Variants in ZNF821 observed in about 807,000 individuals in gnomAD.
ZNF821 encodes the protein zinc finger protein 821.
Under a neutral mutation model 44.3 loss-of-function variants are expected in ZNF821, and 16 were observed. The observed-to-expected ratio is 0.36, with a 90% confidence interval of 0.24 to 0.55. The LOEUF (loss-of-function observed/expected upper bound fraction) is 0.55. Among genes scored for constraint, ZNF821 ranks in the 20% least tolerant of loss-of-function variants. ZNF821 has a pLI of 0.86. For synonymous variants in ZNF821, 204 were observed against 197.6 expected (o/e 1.03, Z -0.27); for missense variants, 436 against 547.6 (o/e 0.80, Z 2.03).
chr16:71,867,099 T>C (rs768024351), intron 4 of ZNF821, among the ~76,000 whole-genome samples: 4 of 152,220 alleles, frequency 2.6e-5, no homozygotes, highest in Non-Finnish European at 5.9e-5. Flanking sequence ...TCTTAGGGAA[T>C]TGGTATGGGA....
chr16:71,870,383 G>A (rs2142397329), intron 3 of ZNF821, among the ~76,000 whole-genome samples: 1 of 150,732 alleles, frequency 6.6e-6, no homozygotes, highest in African/African-American at 2.4e-5. Context: ...AAAAAAAAAT[G>A]AATTTGATGG....
intron 1 of ZNF821, chr16:71,894,716 T>TTTTA: frequency 1.8e-6 from 1 of 557,206 alleles, no homozygotes. Flanking sequence ...TTTTTTTTTT[T>TTTTA]GTAGCGATGC....
intron 3 of ZNF821, among the ~76,000 whole-genome samples, chr16:71,871,866 C>T (rs2035235147): frequency 1.3e-5 from 2 of 149,510 alleles, no homozygotes; most frequent in African/African-American, 2.5e-5. Context: ...GTTTTTCGCT[C>T]TGTCACCCAG....
chr16:71,879,932 T>C lies in ZNF821; in HGVS notation c.15A>G (p.Lys5=), dbSNP rs1459230108. The C allele has an allele frequency of 1.2e-6, 2 of 1,613,780 alleles. No homozygotes were observed. Among genetic ancestry groups the C allele is most frequent in the Non-Finnish European group, 1.7e-6 (2 of 1,179,852 alleles). The stretch of plus-strand genomic sequence containing the variant: ...AGTGAACTTTATTTGGATTTGTCTG[T>C]TTCCGACGGGACATGTTTCCCTGAT... The part of the protein sequence containing the change: MSRR[K]QTNPNKVHWD... The change falls in exon 3 of 8, where the codon AAA becomes AAG. Residue 5 remains lysine, a synonymous_variant. Coordinates refer to ENST00000425432, the MANE Select transcript of ZNF821 (RefSeq NM_001201552.2).
At chr16:71,885,168 C>G (rs2036801316), upstream of ZNF821, 1 of 152,732 alleles carries the variant, frequency 6.5e-6, no homozygotes, top group Non-Finnish European at 1.5e-5. Flanking sequence ...GTTGGACGCA[C>G]TTCTAGTCAA....
intron 1 of ZNF821, among the ~76,000 whole-genome samples, chr16:71,892,336 G>C (rs945174516): frequency 6.6e-6 from 1 of 151,064 alleles, no homozygotes; most frequent in South Asian, 2.1e-4. Context: ...GCGCGATCTC[G>C]GCTCACTGCA....
chr16:71,867,589 G>A (rs1188611681), intron 4 of ZNF821, among the ~76,000 whole-genome samples: 1 of 152,054 alleles, frequency 6.6e-6, no homozygotes, highest in Admixed American at 6.6e-5. Context: ...AGGAGGCTGA[G>A]GCAGGAGAAT....
chr16:71,892,590 G>C (rs1412026885), intron 1 of ZNF821, among the ~76,000 whole-genome samples: 2 of 111,668 alleles, frequency 1.8e-5, no homozygotes, highest in Non-Finnish European at 3.7e-5. Flanking sequence ...TTTTTTTTTT[G>C]AGAGGGAGTC....
intron 3 of ZNF821, among the ~76,000 whole-genome samples, chr16:71,872,953 T>C (rs917254846): frequency 6.6e-6 from 1 of 152,236 alleles, no homozygotes; most frequent in African/African-American, 2.4e-5. Context: ...CTTAGTGGTT[T>C]GGTTAGTTCA....
chr16:71,883,630 GC>G (rs1415402560), intron 1 of ZNF821: 1 of 152,352 alleles, frequency 6.6e-6, no homozygotes, highest in Non-Finnish European at 1.5e-5. Flanking sequence ...CCCCGCCGGG[GC>G]CCGAGGAGGC....
At chr16:71,865,095 A>G in intron 4 of ZNF821, 47 bp from the exon 5 acceptor site, 1 of 1,611,850 alleles carries the variant, frequency 6.2e-7, no homozygotes, top group South Asian at 1.1e-5. Flanking sequence ...GCATGAATAC[A>G]TCCTGAGCTG....
At chr16:71,883,181 C>G (rs1169136925) in intron 2 of ZNF821, 30 bp downstream of exon 2, 5 of 456,372 alleles carry the variant, frequency 1.1e-5, no homozygotes, top group Non-Finnish European at 2.2e-5. Flanking sequence ...AGTGAAATCT[C>G]AGCTTGATGA....
chr16:71,860,048 A>C lies in ZNF821; in HGVS notation c.1209T>G (p.Phe403Leu). 1 of 1,612,446 alleles carries C rather than the reference A, an allele frequency of 6.2e-7. No individual in the cohort carries two copies. Among genetic ancestry groups the C allele is most frequent in the Non-Finnish European group, 8.5e-7 (1 of 1,179,254 alleles). ...LDSQLLGKMA[F>L]EEQNSSSLH ...GCAGAGAGCTGCTGTTCTGCTCTTC[A>C]AAGGCCATCTTGCCCAGAAGCTGGC... The change falls in exon 8 of 8, where the codon TTT (phenylalanine) becomes TTG (leucine). Residue 403 changes from phenylalanine (F) to leucine (L), a missense_variant. Phe to Leu is a conservative substitution (Grantham distance 22, BLOSUM62 0). Coordinates refer to ENST00000425432, the MANE Select transcript of ZNF821 (RefSeq NM_001201552.2). The surrounding 1 kb of genome is among the most constrained non-coding windows in gnomAD (Gnocchi z 7.3).
At chr16:71,873,300 C>T (rs1470004072) in intron 3 of ZNF821, among the ~76,000 whole-genome samples, 9 of 150,734 alleles carry the variant, frequency 6.0e-5, no homozygotes, top group East Asian at 1.9e-4. Context: ...CTAGCCTGGG[C>T]GACTGAGCAG....
chr16:71,881,143 T>C (rs896974106), intron 2 of ZNF821, among the ~76,000 whole-genome samples: 1 of 152,240 alleles, frequency 6.6e-6, no homozygotes, highest in African/African-American at 2.4e-5. Flanking sequence ...TATACTCACA[T>C]TGAATAAGCA....
intron 1 of ZNF821, 72 bp from the exon 2 acceptor site, chr16:71,883,345 G>C: frequency 2.6e-6 from 1 of 385,020 alleles, no homozygotes; most frequent in Non-Finnish European, 5.1e-6. Flanking sequence ...CTGGGGTTGG[G>C]TCTGGGGCGT....
At chr16:71,865,179 G>C in intron 4 of ZNF821, 131 bp from the exon 5 acceptor site, 3 of 1,212,884 alleles carry the variant, frequency 2.5e-6, no homozygotes, top group Non-Finnish European at 2.3e-6. Flanking sequence ...ATATAGTTTT[G>C]TTGGGTACAT....
chr16:71,862,518 AG>A (rs1193639132), intron 6 of ZNF821, among the ~76,000 whole-genome samples: 1 of 152,194 alleles, frequency 6.6e-6, no homozygotes, highest in African/African-American at 2.4e-5. Flanking sequence ...GGGGCGCCAG[AG>A]CCCTCTTCAG....
intron 3 of ZNF821, among the ~76,000 whole-genome samples, chr16:71,875,290 C>T (rs1464996910): frequency 6.6e-6 from 1 of 151,876 alleles, no homozygotes; most frequent in East Asian, 1.9e-4. Flanking sequence ...TTCTTTTTTT[C>T]CTTTTTTTTG....
Sources: gnomAD v4.1 joint callset for allele counts (sites outside exome capture counted in the v4.1 genomes callset) on GRCh38, gnomAD v4.1.1 for gene constraint, Gnocchi (gnomAD v3.1) non-coding constraint, MANE v1.5 for transcripts, NCBI Gene and HGNC (gene_info 2026-07-23, HGNC 2026-07-21) for gene names.